The following CELSR1 variants were observed in gnomAD, a reference collection of about 807,000 sequenced individuals.
CELSR1 encodes adhesion G protein-coupled receptor C1.
A neutral mutation model predicts 249.1 loss-of-function variants in CELSR1; 110 were observed. The observed-to-expected ratio is 0.44, with a 90% CI of 0.38 to 0.52. The LOEUF (loss-of-function observed/expected upper bound fraction) is 0.52, where lower values mean the gene tolerates loss of function less well. CELSR1 is among the 20% of genes least tolerant of loss of function. The pLI, the probability that CELSR1 is intolerant of heterozygous loss-of-function variation, is 0.00. For missense variants in CELSR1, 4,109 were observed against 4,296.4 expected, an observed-to-expected ratio of 0.96 and a Z score of 1.22; for synonymous variants, 2,113 against 1,900.0, an observed-to-expected ratio of 1.11 and a Z score of -2.92.
At chr22:46,385,911 C>T (rs12170054) in intron 19 of CELSR1, among the ~76,000 whole-genome samples, 18,829 of 149,676 alleles carry the variant, frequency 0.13, 2,198 homozygotes, top group African/African-American at 0.31. Context: ...TCTCCTGACC[C>T]TGTGATCCGC....
chr22:46,463,008 G>A (rs1047225521), intron 2 of CELSR1: 34 of 410,970 alleles, frequency 8.3e-5, no homozygotes, highest in South Asian at 5.3e-4. Context: ...ACTGTTTTAC[G>A]CTAACCAATT....
intron 4 of CELSR1, among the ~76,000 whole-genome samples, chr22:46,435,279 A>AATTTT (rs1491093378): frequency 1.8e-5 from 2 of 108,370 alleles, no homozygotes; most frequent in Admixed American, 9.4e-5. Flanking sequence ...AAAAAAAAAA[A>AATTTT]TTTTTTTTTT....
In CELSR1 at chr22:46,471,309, A is replaced by T. The variant is rs6008853; in HGVS notation, c.3545-6964T>A. On this transcript the variant is annotated intron_variant, in intron 1 of 34. Transcript: ENST00000674500. This position sits in a 1 kb window ranked among gnomAD's most constrained non-coding sequence, Gnocchi z 4.9. ...GAAACAGTTTTAGATTTACAAAAAAATTACTAATACAGCGGGTTCCCAGAG... is the reference window on the plus strand; with the variant it reads ...GAAACAGTTTTAGATTTACAAAAAATTTACTAATACAGCGGGTTCCCAGAG... Among the ~76,000 whole-genome samples the T allele has an allele frequency of 0.047, 7,177 of 152,240 alleles. 395 individuals are homozygous for T. Among genetic ancestry groups the T allele is most frequent in the African/African-American group, 0.13 (5,567 of 41,530 alleles).
In CELSR1 at chr22:46,380,336, G is replaced by C. The variant is rs2078963880; in HGVS notation, c.7256+452C>G. Among the ~76,000 whole-genome samples, 1 of 152,178 alleles carries C rather than the reference G, an allele frequency of 6.6e-6. No homozygotes were observed. On this transcript the variant is annotated intron_variant, in intron 22 of 34. Transcript: ENST00000674500. This position sits in a 1 kb window ranked among gnomAD's most constrained non-coding sequence, Gnocchi z 5.1. Reference sequence around the variant, plus strand: ...CTTGGGGGTGAAGCCAGTCCCCACAGCTAGACTGTGTCAGCCTCTCGGGCA... The same window carrying C: ...CTTGGGGGTGAAGCCAGTCCCCACACCTAGACTGTGTCAGCCTCTCGGGCA...
chr22:46,429,911 T>A lies in CELSR1; in HGVS notation c.4611+3482A>T, dbSNP rs549810317. On this transcript the variant is annotated intron_variant, in intron 5 of 34. Coordinates refer to ENST00000674500, the MANE Select transcript of CELSR1 (RefSeq NM_001378328.1). The surrounding 1 kb of genome is among the most constrained non-coding windows in gnomAD (Gnocchi z 4.1). ...TGGGTCCCACACCGCCTCTCATGGA[T>A]GCCCCATGCCCTGCCCAGCCCTTTG... Among the ~76,000 whole-genome samples, 1 of 152,226 alleles carries A rather than the reference T, an allele frequency of 6.6e-6. No homozygotes were observed. Among genetic ancestry groups the A allele is most frequent in the African/African-American group, 2.4e-5 (1 of 41,468 alleles).
rs780905325 is a variant in CELSR1 at position 46,535,242 on chromosome 22, G to A, written c.1929C>T (p.Ala643=). 4 of 1,609,586 alleles carry A rather than the reference G, an allele frequency of 2.5e-6. No homozygotes were observed. The highest frequency in any genetic ancestry group is 1.3e-5 in the African/African-American group (1 of 74,894). ...GCTCCACCTCCTCGCGGTCCAGCTC[G>A]GCACACACTGTGATCCAACCGGAGC... The part of the protein sequence containing the change: ...HNSSGWITVC[A]ELDREEVEHY... Residue 643 remains alanine, a synonymous_variant, in exon 1 of 35, where the codon GCC becomes GCT. Transcript: ENST00000674500.
chr22:46,386,620 C>T (rs367676735), intron 18 of CELSR1, 35 bp from the exon 19 acceptor site: 71 of 1,514,050 alleles, frequency 4.7e-5, no homozygotes, highest in East Asian at 2.4e-4. Context: ...ACTCAGCCTG[C>T]GGAGGCCTGG....
rs372618228 is a variant in CELSR1, at chr22:46,391,677, C to T, written c.6104G>A (p.Arg2035His). The stretch of plus-strand genomic sequence containing the variant: ...GACCTCGGCAAACGGGTTGTCGCAG[C>T]GGTTGCACTGGCGGCCGATGACGCC... ...KPGVIGRQCN[R>H]CDNPFAEVTT... is the part of the protein sequence containing the mutation. Residue 2035 changes from arginine (R) to histidine (H), a missense_variant, in exon 15 of 35, where the codon CGC (arginine) becomes CAC (histidine). Physicochemically the swap from Arg to His is conservative, Grantham distance 29 (BLOSUM62 0). This residue lies in a region of CELSR1 where 1,805 missense variants were observed against 1,831.6 expected (regional missense o/e 0.99). Transcript: ENST00000674500. This position sits in a 1 kb window ranked among gnomAD's most constrained non-coding sequence, Gnocchi z 4.3. The T allele has an allele frequency of 1.7e-5, 28 of 1,608,922 alleles. No homozygotes were observed. The highest frequency in any genetic ancestry group is 2.2e-5 in the East Asian group (1 of 44,860).
chr22:46,443,306 T>TG (rs2079776598), intron 2 of CELSR1, among the ~76,000 whole-genome samples: 1 of 151,460 alleles, frequency 6.6e-6, no homozygotes, highest in Non-Finnish European at 1.5e-5. Flanking sequence ...GCCAGGGGGG[T>TG]GCTTTCCCCT....
intron 1 of CELSR1, among the ~76,000 whole-genome samples, chr22:46,523,431 G>A (rs2080705317): frequency 6.6e-6 from 1 of 152,076 alleles, no homozygotes; most frequent in Non-Finnish European, 1.5e-5. Flanking sequence ...AAGGGGCAGA[G>A]GCACGAGAAT....
At position 46,535,123 on chromosome 22, in the gene CELSR1, T is replaced by C. The variant is rs2080837483; in HGVS notation, c.2048A>G (p.Asn683Ser). The C allele has an allele frequency of 6.2e-7, 1 of 1,611,320 alleles. No homozygotes were observed. Among genetic ancestry groups the C allele is most frequent in the African/African-American group, 1.3e-5 (1 of 74,894 alleles). ...VSITVLDVND[N>S]DPVFTQPTYE... ...GGTGGGCTGCGTGAACACCGGGTCG[T>C]TGTCATTCACGTCCAGCACCGTGAT... is the stretch of plus-strand genomic sequence containing the variant. The change falls in exon 1 of 35, where the codon AAC (asparagine) becomes AGC (serine). Residue 683 changes from asparagine (N) to serine (S), a missense_variant. By Grantham distance (46) the Asn-to-Ser change is conservative (BLOSUM62 1). Around this residue, in one of 7 missense-constraint regions of CELSR1, gnomAD observed 886 missense variants for 896.5 expected, o/e 0.99. Coordinates refer to ENST00000674500, the MANE Select transcript of CELSR1 (RefSeq NM_001378328.1).
rs1202958263 is a variant in CELSR1 at position 46,537,279 on chromosome 22, C to T, written c.-109G>A. ...GAGCGGCTCCCGGGCGCCCGGCCCT[C>T]GGGGCGGTCCGCGTCCCGCCTCCCC... On this transcript the variant is annotated 5_prime_UTR_variant, in exon 1 of 35. Coordinates refer to ENST00000674500, the MANE Select transcript of CELSR1 (RefSeq NM_001378328.1). This position sits in a 1 kb window ranked among gnomAD's most constrained non-coding sequence, Gnocchi z 5.8. 5 of 995,744 alleles carry T rather than the reference C, an allele frequency of 5.0e-6. No individual in the cohort carries two copies. In the South Asian group the frequency reaches 1.4e-4, roughly 27 times the overall value. 61.7% of individuals were successfully genotyped at this position (995,744 alleles called of 1,614,324 possible).
At chr22:46,510,161 C>A (rs532317206) in intron 1 of CELSR1, among the ~76,000 whole-genome samples, 1 of 152,340 alleles carries the variant, frequency 6.6e-6, no homozygotes, top group South Asian at 2.1e-4. Flanking sequence ...GTCTCTCACC[C>A]ATTTAGGTGA....
rs187967113 is a variant in CELSR1 at position 46,393,303 on chromosome 22, G to C, written c.5964+839C>G. ...TAGAGTCTGCACTGAGAACGCGTGT[G>C]CATTTCTGGAGACACGAGATGTGAG... On this transcript the variant is annotated intron_variant, in intron 14 of 34. Coordinates refer to ENST00000674500, the MANE Select transcript of CELSR1 (RefSeq NM_001378328.1). The surrounding 1 kb of genome is among the most constrained non-coding windows in gnomAD (Gnocchi z 4.1). Among the ~76,000 whole-genome samples the C allele has an allele frequency of 3.5e-3, 538 of 152,362 alleles. 3 individuals are homozygous for C. The highest frequency in any genetic ancestry group is 0.012 in the African/African-American group (497 of 41,592).
Position 46,445,246 on chromosome 22 carries a change from C to G in CELSR1, c.4184-5835G>C, listed in dbSNP as rs912675139. On this transcript the variant is annotated intron_variant, in intron 2 of 34. Transcript: ENST00000674500. This position sits in a 1 kb window ranked among gnomAD's most constrained non-coding sequence, Gnocchi z 4.4. ...TAGTGGCTCAGGCCTGTCATCCCAG[C>G]ACTTTGGGAGGCCGAGGCAGGTGGA... 1.3e-5 allele frequency among the ~76,000 whole-genome samples: 2 copies of G among 152,164 alleles called. No homozygotes were observed. Among genetic ancestry groups the G allele is most frequent in the African/African-American group, 4.8e-5 (2 of 41,428 alleles).
rs1287891301 is a variant in CELSR1, at chr22:46,363,144, G to C, written c.*79C>G. On this transcript the variant is annotated 3_prime_UTR_variant, in exon 35 of 35. Transcript: ENST00000674500. The surrounding 1 kb of genome is among the most constrained non-coding windows in gnomAD (Gnocchi z 4.3). Reference sequence around the variant, plus strand: ...CCCTTGGGCTCCAAGGTCTGAGGGTGATGCCGCAGCCTGTGTGGGGTGACG... The same window carrying C: ...CCCTTGGGCTCCAAGGTCTGAGGGTCATGCCGCAGCCTGTGTGGGGTGACG... The C allele has an allele frequency of 6.2e-7, 1 of 1,613,752 alleles. No homozygotes were observed. The highest frequency in any genetic ancestry group is 8.5e-7 in the Non-Finnish European group (1 of 1,179,902).
chr22:46,439,925 C>T (rs1298615403), intron 2 of CELSR1, among the ~76,000 whole-genome samples: 2 of 152,230 alleles, frequency 1.3e-5, no homozygotes, highest in African/African-American at 2.4e-5. Flanking sequence ...GACTGCCGTC[C>T]GCCCTCCCAC....
At chr22:46,489,826 C>G (rs1055565757) in intron 1 of CELSR1, among the ~76,000 whole-genome samples, 2 of 151,036 alleles carry the variant, frequency 1.3e-5, no homozygotes, top group African/African-American at 4.9e-5. Context: ...ACCCGGGAGA[C>G]AGAGGTTGCA....
At chr22:46,365,746 G>A (rs1275365325) in intron 30 of CELSR1, 57 bp from the exon 31 acceptor site, 10 of 1,390,828 alleles carry the variant, frequency 7.2e-6, no homozygotes, top group Middle Eastern at 1.8e-4. Flanking sequence ...AGGAGGTGCT[G>A]GAAAGTTCTC....
Sources: allele counts gnomAD v4.1 joint callset (sites outside exome capture counted in the v4.1 genomes callset), GRCh38; gene constraint gnomAD v4.1.1; regional missense constraint gnomAD v4.1.1; non-coding constraint Gnocchi (gnomAD v3.1); transcripts MANE v1.5; gene names NCBI Gene and HGNC (gene_info 2026-07-23, HGNC 2026-07-21).